Variants in ACOT2 observed in about 807,000 individuals in gnomAD.
ACOT2 encodes the protein acyl-CoA thioesterase 2, also known as acyl-coenzyme A thioesterase 2, mitochondrial.
In ACOT2, 15 loss-of-function variants were observed where a neutral mutation model predicts 20.1. The ratio of observed to expected loss-of-function variants is 0.75; its 90% CI spans 0.50 to 1.15. The LOEUF (loss-of-function observed/expected upper bound fraction) is 1.15, where lower values mean the gene tolerates loss of function less well. ACOT2 is among the 50% of genes most tolerant of loss of function. The probability of loss-of-function intolerance (pLI) is 0.00; values close to 1 mark genes in which losing one functional copy is unlikely to be tolerated. For missense variants in ACOT2, 479 were observed against 615.3 expected (o/e 0.78, Z 2.34); for synonymous variants, 252 against 268.4 (o/e 0.94, Z 0.60).
At position 73,575,441 on chromosome 14, in the gene ACOT2, T is replaced by C; in HGVS notation, c.1380T>C (p.Ala460=). ...PRAHAMAQVD[A]WKQLQTFFHK... is the part of the protein sequence containing the mutation. The stretch of plus-strand genomic sequence containing the variant: ...CTCATGCCATGGCTCAGGTGGATGC[T>C]TGGAAACAACTCCAGACTTTCTTCC... Residue 460 remains alanine (A), a synonymous_variant, in exon 3 of 3, where the codon GCT becomes GCC. Transcript: ENST00000238651. 2 of 1,416,136 alleles carry C rather than the reference T, an allele frequency of 1.4e-6. No homozygotes were observed. The highest frequency in any genetic ancestry group is 2.4e-5 in the Admixed American group (1 of 40,900). The allele number at this position is 1,416,136 out of a possible 1,614,324, so 87.7% of individuals were successfully genotyped here. A position where few individuals can be genotyped will look rare whatever the true frequency, so the allele number is the denominator to read the frequency against.
upstream of ACOT2, chr14:73,569,003 G>A (rs1889651774): frequency 7.3e-6 from 4 of 545,282 alleles, no homozygotes; most frequent in Admixed American, 3.3e-5. Flanking sequence ...CTAGCTGCCT[G>A]GTTCTTTAAG....
rs188217342 is a variant in ACOT2, at chr14:73,574,172, C to T, written c.846+582C>T. On this transcript the variant is annotated intron_variant, in intron 2 of 2. Transcript: ENST00000238651. ...AGGCATGAGCCACCACACCTGGCCTCTTATAGACAGTTTCTATTCAATTCT... is the reference window on the plus strand; with the variant it reads ...AGGCATGAGCCACCACACCTGGCCTTTTATAGACAGTTTCTATTCAATTCT... 416 of 162,588 alleles carry T rather than the reference C, an allele frequency of 2.6e-3. 5 individuals are homozygous for T. Among genetic ancestry groups the T allele is most frequent in the African/African-American group, 9.6e-3 (399 of 41,428 alleles). 10.1% of individuals were successfully genotyped at this position (162,588 alleles called of 1,614,324 possible).
intron 1 of ACOT2, among the ~76,000 whole-genome samples, chr14:73,570,333 G>A (rs1176992470): frequency 2.6e-5 from 4 of 151,896 alleles, no homozygotes; most frequent in African/African-American, 9.7e-5. Flanking sequence ...ACTTTGGGAA[G>A]TCTCGGCGGG....
In ACOT2 at chr14:73,569,971, C is replaced by T. The variant is rs550507866; in HGVS notation, c.643+88C>T. The T allele has an allele frequency of 3.4e-5, 47 of 1,395,386 alleles. 1 individual carries two copies. The South Asian group carries it at 5.2e-4, about 16-fold the overall frequency. The allele number at this position is 1,395,386 out of a possible 1,614,324, so 86.4% of individuals were successfully genotyped here. A position where few individuals can be genotyped will look rare whatever the true frequency, so the allele number is the denominator to read the frequency against. ...CCCACGCTTTTCGCTTATGTGTATG[C>T]CCCCCCGCCGCGCCCCCGGGCTATA... On this transcript the variant is annotated intron_variant, in intron 1 of 2. Coordinates refer to ENST00000238651, the MANE Select transcript of ACOT2 (RefSeq NM_006821.6).
upstream of ACOT2, chr14:73,569,099 G>A (rs538808347): frequency 3.8e-3 from 3,814 of 1,000,354 alleles, 32 homozygotes; most frequent in Non-Finnish European, 4.7e-3. Context: ...TAAAGTGGAG[G>A]TTTCAACACA....
Position 73,569,736 on chromosome 14 carries a change from G to A in ACOT2, c.496G>A (p.Val166Met), listed in dbSNP as rs1377238087. 1.2e-6 allele frequency: 2 copies of A among 1,609,438 alleles called. No individual in the cohort carries two copies. The highest frequency in any genetic ancestry group is 8.5e-7 in the Non-Finnish European group (1 of 1,178,834). Residue 166 changes from valine to methionine, a missense_variant, in exon 1 of 3, where the codon GTG (valine) becomes ATG (methionine). By Grantham distance (21) the Val-to-Met change is conservative. Coordinates refer to ENST00000238651, the MANE Select transcript of ACOT2 (RefSeq NM_006821.6). The part of the protein sequence containing the change: ...VKRDVRTPLA[V>M]ELEVLDGHDP... ...GCGCGACGTGCGAACGCCCTTGGCC[G>A]TGGAGCTGGAGGTGCTGGATGGCCA...
chr14:73,569,380 C>A lies in ACOT2; in HGVS notation c.140C>A (p.Ser47Tyr). 1 of 1,613,988 alleles carries A rather than the reference C, an allele frequency of 6.2e-7. No homozygotes were observed. The change falls in exon 1 of 3, where the codon TCT becomes TAT. Residue 47 changes from serine to tyrosine, a missense_variant. This residue lies in a region of ACOT2 where 400 missense variants were observed against 395.5 expected (regional missense o/e 1.01). Coordinates refer to ENST00000238651, the MANE Select transcript of ACOT2 (RefSeq NM_006821.6). ...AAGAGTTCGGCGCAGTTCCTGGGGT[C>A]TCCACAGCTGAGGCAGGTTGGTCAG... The part of the protein sequence containing the change: ...SLKSSAQFLG[S>Y]PQLRQVGQII...
At position 73,575,167 on chromosome 14, in the gene ACOT2, G is replaced by A. The variant is rs1230284535; in HGVS notation, c.1106G>A (p.Ser369Asn). 1.7e-6 allele frequency: 2 copies of A among 1,165,410 alleles called. No individual in the cohort carries two copies. The highest frequency in any genetic ancestry group is 1.4e-5 in the South Asian group (1 of 69,244). The allele number at this position is 1,165,410 out of a possible 1,614,324, so 72.2% of individuals were successfully genotyped here. A position where few individuals can be genotyped will look rare whatever the true frequency, so the allele number is the denominator to read the frequency against. The stretch of plus-strand genomic sequence containing the variant: ...CCTTTGGAAGGACCTGACCAGAAGA[G>A]CTTCATTCCTGTGGAAAGGGCAGAG... ...NSPLEGPDQK[S>N]FIPVERAEST... Residue 369 changes from serine to asparagine, a missense_variant, in exon 3 of 3, where the codon AGC (serine) becomes AAC (asparagine). By Grantham distance (46) the Ser-to-Asn change is conservative (BLOSUM62 1). Around this residue, in one of 4 missense-constraint regions of ACOT2, gnomAD observed 39 missense variants for 108.0 expected, o/e 0.36. Coordinates refer to ENST00000238651, the MANE Select transcript of ACOT2 (RefSeq NM_006821.6).
At chr14:73,572,486 A>G (rs1221552294) in intron 1 of ACOT2, among the ~76,000 whole-genome samples, 1 of 151,886 alleles carries the variant, frequency 6.6e-6, no homozygotes, top group Non-Finnish European at 1.5e-5. Context: ...ACATAATCTA[A>G]GTGGTAATAC....
intron 1 of ACOT2, among the ~76,000 whole-genome samples, chr14:73,570,988 TTTA>T (rs1160432649): frequency 2.1e-5 from 3 of 146,286 alleles, no homozygotes; most frequent in African/African-American, 7.3e-5. Context: ...TTTTTTTTTT[TTTA>T]AATAAGAATT....
At chr14:73,571,057 G>A (rs1889733970) in intron 1 of ACOT2, 1 of 151,234 alleles carries the variant, frequency 6.6e-6, no homozygotes, top group African/African-American at 2.4e-5. Context: ...AGGTGGCTGG[G>A]CCTGTGACAG....
Position 73,569,643 on chromosome 14 carries a change from G to A in ACOT2, c.403G>A (p.Ala135Thr), listed in dbSNP as rs1889672562. The change falls in exon 1 of 3, where the codon GCG becomes ACG. Residue 135 changes from alanine (A) to threonine (T), a missense_variant. By Grantham distance (58) the Ala-to-Thr change is moderately conservative. Around this residue, in one of 4 missense-constraint regions of ACOT2, gnomAD observed 400 missense variants for 395.5 expected, o/e 1.01. Coordinates refer to ENST00000238651, the MANE Select transcript of ACOT2 (RefSeq NM_006821.6). ...CGCGCCCGCGCTGGGCGGCAGCTTCGCGGGGCTTGAGCCCATGGGGCTGCT... is the reference window on the plus strand; with the variant it reads ...CGCGCCCGCGCTGGGCGGCAGCTTCACGGGGCTTGAGCCCATGGGGCTGCT... ...ERAPALGGSF[A>T]GLEPMGLLWA... 3.7e-6 allele frequency: 6 copies of A among 1,603,614 alleles called. No individual in the cohort carries two copies. The South Asian group carries it at 4.4e-5, about 12-fold the overall frequency.
At chr14:73,570,879 T>G (rs1299529920) in intron 1 of ACOT2, among the ~76,000 whole-genome samples, 1 of 145,094 alleles carries the variant, frequency 6.9e-6, no homozygotes, top group Non-Finnish European at 1.5e-5. Flanking sequence ...CACTCCAGCC[T>G]GGGGGACAAG....
At chr14:73,569,968 A>C in intron 1 of ACOT2, 85 bp downstream of exon 1, 2 of 1,456,138 alleles carry the variant, frequency 1.4e-6, no homozygotes, top group Non-Finnish European at 9.1e-7. Context: ...GCTTATGTGT[A>C]TGCCCCCCCG....
intron 1 of ACOT2, among the ~76,000 whole-genome samples, chr14:73,572,710 A>G (rs1324339145): frequency 6.9e-6 from 1 of 145,442 alleles, no homozygotes; most frequent in African/African-American, 2.5e-5. Flanking sequence ...TAGTGGCACA[A>G]TCTTGGCTCA....
At position 73,575,557 on chromosome 14, in the gene ACOT2, G is replaced by A. The variant is rs1889864392; in HGVS notation, c.*44G>A. ...GCCTCTCTGTTGCTAATCTCTCCTG[G>A]AAACATCTGCCACATTTAGTGTGTG... On this transcript the variant is annotated 3_prime_UTR_variant, in exon 3 of 3. Coordinates refer to ENST00000238651, the MANE Select transcript of ACOT2 (RefSeq NM_006821.6). The A allele has an allele frequency of 6.5e-7, 1 of 1,534,482 alleles. No individual in the cohort carries two copies.
At chr14:73,573,803 T>G (rs1889816740) in intron 2 of ACOT2, among the ~76,000 whole-genome samples, 1 of 151,990 alleles carries the variant, frequency 6.6e-6, no homozygotes, top group African/African-American at 2.4e-5. Context: ...CTTGGCTCAC[T>G]GCAACCTCCA....
Position 73,569,480 on chromosome 14 carries a change from G to C in ACOT2, c.240G>C (p.Pro80=). 2 of 1,612,818 alleles carry C rather than the reference G, an allele frequency of 1.2e-6. No individual in the cohort carries two copies. The highest frequency in any genetic ancestry group is 2.2e-5 in the East Asian group (1 of 44,874). ...EPAGRCCWDE[P]VRIAVRGLAP... The stretch of plus-strand genomic sequence containing the variant: ...CGGGCCGCTGCTGCTGGGACGAACC[G>C]GTGCGAATCGCCGTGCGCGGCCTAG... Residue 80 remains proline (P), a synonymous_variant, in exon 1 of 3, where the codon CCG becomes CCC. Transcript: ENST00000238651.
At chr14:73,572,795 G>A (rs1426194925) in intron 1 of ACOT2, among the ~76,000 whole-genome samples, 10 of 149,234 alleles carry the variant, frequency 6.7e-5, no homozygotes, top group Non-Finnish European at 1.0e-4. Flanking sequence ...ACAGGTGGCC[G>A]CCACCACACC....
Sources: allele counts gnomAD v4.1 joint callset (sites outside exome capture counted in the v4.1 genomes callset), GRCh38; gene constraint gnomAD v4.1.1; regional missense constraint gnomAD v4.1.1; transcripts MANE v1.5; gene names NCBI Gene and HGNC (gene_info 2026-07-23, HGNC 2026-07-21).